The following MARF1 variants were observed in gnomAD, a reference collection of about 807,000 sequenced individuals.
MARF1 encodes meiosis regulator and mRNA stability factor 1.
In MARF1, 24 loss-of-function variants were observed where a neutral mutation model predicts 168.2. The observed-to-expected ratio is 0.14, with a 90% confidence interval of 0.10 to 0.20. The LOEUF is 0.20. Among genes scored for constraint, MARF1 ranks in the 10% least tolerant of loss-of-function variants. The pLI is 1.00. For missense variants in MARF1, 1,744 were observed against 2,143.6 expected (o/e 0.81, Z 3.68); for synonymous variants, 868 against 822.4 (o/e 1.06, Z -0.95).
chr16:15,600,605 ATTT>A, intron 24 of MARF1, 33 bp downstream of exon 24: 1 of 1,614,036 alleles, frequency 6.2e-7, no homozygotes, highest in Non-Finnish European at 8.5e-7. Flanking sequence ...GAGAACCGTG[ATTT>A]TTTAAGGGGG....
At chr16:15,625,257 G>A (rs947794574) in intron 8 of MARF1, 84 bp from the exon 9 acceptor site, 7 of 1,562,368 alleles carry the variant, frequency 4.5e-6, no homozygotes, top group African/African-American at 4.1e-5. Flanking sequence ...TTGACTTTGA[G>A]TATCATCAAA....
At chr16:15,634,708 TA>T in intron 4 of MARF1, 48 bp downstream of exon 4, 2 of 1,543,388 alleles carry the variant, frequency 1.3e-6, no homozygotes, top group Non-Finnish European at 1.8e-6. Context: ...TAGTATGAGA[TA>T]TTGAAAGCTA....
intron 26 of MARF1, among the ~76,000 whole-genome samples, chr16:15,598,015 C>A (rs2031933972): frequency 6.6e-6 from 1 of 152,190 alleles, no homozygotes; most frequent in African/African-American, 2.4e-5. Context: ...GCCAGGAGTC[C>A]ACGGGTTGTT....
rs2034724336 is a variant in MARF1, at chr16:15,624,841, G to A, written c.2198C>T (p.Pro733Leu). 3.1e-6 allele frequency: 5 copies of A among 1,614,142 alleles called. No individual in the cohort carries two copies. Among genetic ancestry groups the A allele is most frequent in the East Asian group, 2.2e-5 (1 of 44,886 alleles). The change falls in exon 10 of 27, where the codon CCG (proline) becomes CTG (leucine). Residue 733 changes from proline to leucine, a missense_variant. By Grantham distance (98) the Pro-to-Leu change is moderately conservative (BLOSUM62 -3). Around this residue, in one of 7 missense-constraint regions of MARF1, gnomAD observed 270 missense variants for 260.6 expected, o/e 1.04. Transcript: ENST00000396368. ...TGCAACTAACTTGCTAAAAGCAGAC[G>A]GGTAACTCACTTGGAATACAGTCTC... The part of the protein sequence containing the change: ...KEETVFQVSY[P>L]SAFSKLVASR...
chr16:15,621,806 A>G lies in MARF1; in HGVS notation c.2566T>C (p.Tyr856His). ...AGGATCTTTTTGCTGCCAATTTTGTATCTGTGGAGGCTATTCACTGCACCG... is the reference window on the plus strand; with the variant it reads ...AGGATCTTTTTGCTGCCAATTTTGTGTCTGTGGAGGCTATTCACTGCACCG... ...AIGAVNSLHR[Y>H]KIGSKKILVS... is the part of the protein sequence containing the mutation. The change falls in exon 12 of 27, where the codon TAC becomes CAC. Residue 856 changes from tyrosine to histidine, a missense_variant. By Grantham distance (83) the Tyr-to-His change is moderately conservative. Transcript: ENST00000396368. 1.2e-6 allele frequency: 2 copies of G among 1,614,072 alleles called. No individual in the cohort carries two copies. The highest frequency in any genetic ancestry group is 1.7e-6 in the Non-Finnish European group (2 of 1,180,008).
intron 25 of MARF1, 166 bp from the exon 26 acceptor site, chr16:15,599,190 C>G (rs895318530): frequency 3.0e-6 from 2 of 665,440 alleles, no homozygotes; most frequent in Non-Finnish European, 5.1e-6. Context: ...AACCCAAAAC[C>G]CACTAACAGG....
rs541302032 is a variant in MARF1 at position 15,608,362 on chromosome 16, T to C, written c.4111A>G (p.Thr1371Ala). The part of the protein sequence containing the change: ...LTEYAKTFGY[T>A]FRLQDYDVSS... ...ACATCATAGTCTTGGAGACGAAATGTATAACCAAAAGTTTTAGCATATTCT... is the reference window on the plus strand; with the variant it reads ...ACATCATAGTCTTGGAGACGAAATGCATAACCAAAAGTTTTAGCATATTCT... The change falls in exon 21 of 27, where the codon ACA becomes GCA. Residue 1371 changes from threonine (T) to alanine (A), a missense_variant. Physicochemically the swap from Thr to Ala is moderately conservative, Grantham distance 58 (BLOSUM62 0). Around this residue, in one of 7 missense-constraint regions of MARF1, gnomAD observed 543 missense variants for 742.1 expected, o/e 0.73. Transcript: ENST00000396368. The C allele has an allele frequency of 6.8e-6, 11 of 1,613,760 alleles. 1 individual carries two copies. The South Asian group carries it at 1.1e-4, about 16-fold the overall frequency.
At chr16:15,606,008 T>G (rs1252938284) in intron 21 of MARF1, 5 of 152,538 alleles carry the variant, frequency 3.3e-5, no homozygotes, top group Admixed American at 6.5e-5. Flanking sequence ...CCTCCTGTGT[T>G]CAATTTCACT....
intron 22 of MARF1, among the ~76,000 whole-genome samples, chr16:15,603,475 C>CA (rs1248875616): frequency 6.6e-6 from 1 of 151,996 alleles, no homozygotes; most frequent in Non-Finnish European, 1.5e-5. Flanking sequence ...TGCCGGGCCC[C>CA]AGAATGGTTT....
Position 15,596,811 on chromosome 16 carries a change from G to A in MARF1, c.5111C>T (p.Ser1704Leu), listed in dbSNP as rs375670166. ...GCTGAGCAGTGACTCGGAGGTTTCCGAGGAGGGGCAGGGAGGCACGGGGAC... is the reference window on the plus strand; with the variant it reads ...GCTGAGCAGTGACTCGGAGGTTTCCAAGGAGGGGCAGGGAGGCACGGGGAC... Reference protein sequence around the residue: ...AAVPVPPCPSSETSESLLSKD... With the variant: ...AAVPVPPCPSLETSESLLSKD... The change falls in exon 27 of 27, where the codon TCG becomes TTG. Residue 1704 changes from serine (S) to leucine (L), a missense_variant. Coordinates refer to ENST00000396368, the MANE Select transcript of MARF1 (RefSeq NM_014647.4). 1.4e-5 allele frequency: 23 copies of A among 1,614,030 alleles called. No homozygotes were observed. Among genetic ancestry groups the A allele is most frequent in the African/African-American group, 2.7e-5 (2 of 74,934 alleles).
Position 15,641,193 on chromosome 16 carries a change from A to C in MARF1, c.-59+1825T>G, listed in dbSNP as rs558961003. 3.3e-5 allele frequency among the ~76,000 whole-genome samples: 5 copies of C among 152,302 alleles called. No individual in the cohort carries two copies. In the East Asian group the frequency reaches 9.6e-4, roughly 29 times the overall value. ...TACAGAGAAAAAAAAAATTAGATAAATGAACCCCACTGTCTATTTTCACCA... is the reference window on the plus strand; with the variant it reads ...TACAGAGAAAAAAAAAATTAGATAACTGAACCCCACTGTCTATTTTCACCA... On this transcript the variant is annotated intron_variant, in intron 1 of 26. Coordinates refer to ENST00000396368, the MANE Select transcript of MARF1 (RefSeq NM_014647.4).
intron 18 of MARF1, 140 bp downstream of exon 18, chr16:15,611,452 A>T: frequency 1.3e-6 from 1 of 769,734 alleles, no homozygotes. Flanking sequence ...GTCTCAAAAA[A>T]AAAAAAAAAA....
chr16:15,618,445 C>T (rs1249235587), intron 13 of MARF1, among the ~76,000 whole-genome samples: 2 of 152,296 alleles, frequency 1.3e-5, no homozygotes, highest in South Asian at 2.1e-4. Context: ...GTGTTACCCC[C>T]GAGTCTCTCA....
Position 15,624,812 on chromosome 16 carries a change from T to C in MARF1, c.2227A>G (p.Arg743Gly), listed in dbSNP as rs1405499728. ...PSAFSKLVAS[R>G]QVSPLLASQS... Reference sequence around the variant, plus strand: ...GATGCGAGCAGAGGACTGACTTGCCTGGATGCAACTAACTTGCTAAAAGCA... The same window carrying C: ...GATGCGAGCAGAGGACTGACTTGCCCGGATGCAACTAACTTGCTAAAAGCA... Residue 743 changes from arginine (R) to glycine (G), a missense_variant, in exon 10 of 27, where the codon AGG becomes GGG. Physicochemically the swap from Arg to Gly is moderately radical, Grantham distance 125. Coordinates refer to ENST00000396368, the MANE Select transcript of MARF1 (RefSeq NM_014647.4). The C allele has an allele frequency of 6.2e-7, 1 of 1,614,112 alleles. No individual in the cohort carries two copies. The highest frequency in any genetic ancestry group is 8.5e-7 in the Non-Finnish European group (1 of 1,180,040).
Position 15,598,953 on chromosome 16 carries a change from C to G in MARF1, c.4885G>C (p.Val1629Leu), listed in dbSNP as rs1489563225. 3.7e-6 allele frequency: 6 copies of G among 1,613,134 alleles called. No homozygotes were observed. Among genetic ancestry groups the G allele is most frequent in the Non-Finnish European group, 3.4e-6 (4 of 1,179,750 alleles). The change falls in exon 26 of 27, where the codon GTC becomes CTC. Residue 1629 changes from valine (V) to leucine (L), a missense_variant. Val to Leu is a conservative substitution (Grantham distance 32, BLOSUM62 1). Coordinates refer to ENST00000396368, the MANE Select transcript of MARF1 (RefSeq NM_014647.4). ...TGAGGGGACGGCAGGCACGAGGGGA[C>G]AGGCGCACACAGGAGGTCGACGGGG... is the stretch of plus-strand genomic sequence containing the variant. ...DSPVDLLCAP[V>L]PSCLPSPQLR...
rs558633655 is a variant in MARF1, at chr16:15,641,376, T to G, written c.-59+1642A>C. On this transcript the variant is annotated intron_variant, in intron 1 of 26. Coordinates refer to ENST00000396368, the MANE Select transcript of MARF1 (RefSeq NM_014647.4). ...TTGTCTTTCCTATTAGATACAGGTTTTATGTCCCCCAAAAAACTCCTCTCA... is the reference window on the plus strand; with the variant it reads ...TTGTCTTTCCTATTAGATACAGGTTGTATGTCCCCCAAAAAACTCCTCTCA... Among the ~76,000 whole-genome samples the G allele has an allele frequency of 3.9e-5, 6 of 152,326 alleles. No homozygotes were observed. In the South Asian group the frequency reaches 8.3e-4, roughly 21 times the overall value.
chr16:15,608,575 G>A lies in MARF1; in HGVS notation c.3955-57C>T. 7 of 1,280,310 alleles carry A rather than the reference G, an allele frequency of 5.5e-6. No individual in the cohort carries two copies. In the Admixed American group the frequency reaches 8.5e-5, roughly 15 times the overall value. The allele number at this position is 1,280,310 out of a possible 1,614,324, so 79.3% of individuals were successfully genotyped here. A position where few individuals can be genotyped will look rare whatever the true frequency, so the allele number is the denominator to read the frequency against. Reference sequence around the variant, plus strand: ...AATAAACAAATCACGGGTGTTTACAGAATAGCAAAAAAAGTATGCAGCTAG... The same window carrying A: ...AATAAACAAATCACGGGTGTTTACAAAATAGCAAAAAAAGTATGCAGCTAG... On this transcript the variant is annotated intron_variant, in intron 20 of 26. Coordinates refer to ENST00000396368, the MANE Select transcript of MARF1 (RefSeq NM_014647.4).
chr16:15,641,386 C>CA (rs1247508352), intron 1 of MARF1, among the ~76,000 whole-genome samples: 1 of 152,060 alleles, frequency 6.6e-6, no homozygotes, highest in African/African-American at 2.4e-5. Context: ...TTATGTCCCC[C>CA]AAAAAACTCC....
In MARF1 at chr16:15,625,664, C is replaced by T. The variant is rs1415856489; in HGVS notation, c.1661G>A (p.Arg554His). The T allele has an allele frequency of 1.9e-6, 3 of 1,614,216 alleles. No homozygotes were observed. Among genetic ancestry groups the T allele is most frequent in the Non-Finnish European group, 2.5e-6 (3 of 1,180,056 alleles). Residue 554 changes from arginine (R) to histidine (H), a missense_variant, in exon 8 of 27, where the codon CGC becomes CAC. By Grantham distance (29) the Arg-to-His change is conservative. Coordinates refer to ENST00000396368, the MANE Select transcript of MARF1 (RefSeq NM_014647.4). ...CTCTGCACTATCTTGGTTTATGAAG[C>T]GGAGAATTGCACTGCAGCCTGTGAT... is the stretch of plus-strand genomic sequence containing the variant. Reference protein sequence around the residue: ...LSITGCSAILRFINQDSAERA... With the variant: ...LSITGCSAILHFINQDSAERA...
Sources: gnomAD v4.1 joint callset for allele counts (sites outside exome capture counted in the v4.1 genomes callset) on GRCh38, gnomAD v4.1.1 for gene constraint, gnomAD v4.1.1 regional missense constraint, MANE v1.5 for transcripts, NCBI Gene and HGNC (gene_info 2026-07-23, HGNC 2026-07-21) for gene names.